Variants in ZNF845 observed in about 807,000 individuals in gnomAD.
ZNF845 encodes the protein zinc finger protein 845.
ZNF845 carries 59 observed loss-of-function variants against 76.1 expected under a neutral mutation model. That is an observed-to-expected ratio of 0.78 (90% confidence interval 0.63 to 0.96). The LOEUF is 0.96. Ranked by LOEUF, ZNF845 falls within the 40% of genes least tolerant of loss-of-function variation. The pLI, the probability that ZNF845 is intolerant of heterozygous loss-of-function variation, is 0.00. For synonymous variants in ZNF845, 361 were observed against 386.9 expected (o/e 0.93, Z 0.78); for missense variants, 1,045 against 1,172.8 (o/e 0.89, Z 1.59).
intron 2 of ZNF845, among the ~76,000 whole-genome samples, chr19:53,342,787 G>A (rs1038372423): frequency 7.2e-5 from 11 of 152,108 alleles, no homozygotes; most frequent in Non-Finnish European, 1.6e-4. Context: ...TCATCACTCT[G>A]CTATTAATCC....
chr19:53,341,848 C>T (rs979005835), intron 2 of ZNF845, among the ~76,000 whole-genome samples: 4 of 152,152 alleles, frequency 2.6e-5, no homozygotes, highest in African/African-American at 7.2e-5. Context: ...AGTTCATACA[C>T]AGACATGAAT....
Position 53,354,028 on chromosome 19 carries a change from C to A in ZNF845, c.*440C>A. ...ACAAATGTCATGATTGTGGCAAGGT[C>A]TTCAGTCTAGCTTCATCTTATGCAA... is the stretch of plus-strand genomic sequence containing the variant. On this transcript the variant is annotated 3_prime_UTR_variant, in exon 4 of 4. Coordinates refer to ENST00000458035, the MANE Select transcript of ZNF845 (RefSeq NM_138374.3). The A allele has an allele frequency of 2.1e-6, 1 of 473,236 alleles. No individual in the cohort carries two copies. Among genetic ancestry groups the A allele is most frequent in the Admixed American group, 3.0e-5 (1 of 32,932 alleles). The allele number at this position is 473,236 out of a possible 1,614,324, so 29.3% of individuals were successfully genotyped here. A position where few individuals can be genotyped will look rare whatever the true frequency, so the allele number is the denominator to read the frequency against.
At chr19:53,348,847 A>ATTTTTTTTTTTTT (rs565694028) in intron 3 of ZNF845, among the ~76,000 whole-genome samples, 1 of 96,600 alleles carries the variant, frequency 1.0e-5, no homozygotes, top group African/African-American at 4.3e-5. Flanking sequence ...TTGTTAGTCA[A>ATTTTTTTTTTTTT]TTTTTTTTTT....
At chr19:53,347,072 A>T (rs887311190) in intron 3 of ZNF845, among the ~76,000 whole-genome samples, 4 of 151,770 alleles carry the variant, frequency 2.6e-5, no homozygotes, top group African/African-American at 9.7e-5. Flanking sequence ...TAGTAGAGAC[A>T]GGGTTTCTCC....
In ZNF845 at chr19:53,352,089, T is replaced by C; in HGVS notation, c.1414T>C (p.Cys472Arg). The change falls in exon 4 of 4, where the codon TGT becomes CGT. Residue 472 changes from cysteine to arginine, a missense_variant. Cys to Arg is a radical substitution (Grantham distance 180). Transcript: ENST00000458035. ...TGEKPYKCND[C>R]GKTFSQTSSL... ...AGAGAAACCTTACAAGTGTAATGAT[T>C]GTGGCAAGACCTTCAGTCAGACATC... The C allele has an allele frequency of 6.2e-7, 1 of 1,613,952 alleles. No individual in the cohort carries two copies. Among genetic ancestry groups the C allele is most frequent in the Non-Finnish European group, 8.5e-7 (1 of 1,179,952 alleles).
chr19:53,353,764 T>A lies in ZNF845; in HGVS notation c.*176T>A. 1 of 1,521,364 alleles carries A rather than the reference T, an allele frequency of 6.6e-7. No individual in the cohort carries two copies. Among genetic ancestry groups the A allele is most frequent in the Non-Finnish European group, 8.8e-7 (1 of 1,138,274 alleles). 94.2% of individuals were successfully genotyped at this position (1,521,364 alleles called of 1,614,324 possible). On this transcript the variant is annotated 3_prime_UTR_variant, in exon 4 of 4. Transcript: ENST00000458035. ...CTGGAGAGAAACCTTACAAGTGTAC[T>A]GAGTGTGGCAAAGCCTTTAGTGGGC...
chr19:53,355,519 TC>T lies in ZNF845; in HGVS notation c.*1932del, dbSNP rs2085379702. 1 of 152,080 alleles carries T rather than the reference TC, an allele frequency of 6.6e-6. No individual in the cohort carries two copies. The highest frequency in any genetic ancestry group is 6.6e-5 in the Admixed American group (1 of 15,266). 9.4% of individuals were successfully genotyped at this position (152,080 alleles called of 1,614,324 possible). On this transcript the variant is annotated 3_prime_UTR_variant, in exon 4 of 4. Coordinates refer to ENST00000458035, the MANE Select transcript of ZNF845 (RefSeq NM_138374.3). ...AGAGAACTTGAAAGAATATGTTAGA[TC>T]GCCTAACCTCATTATCCGCCCACTT...
chr19:53,349,654 C>T (rs187789623), intron 3 of ZNF845, among the ~76,000 whole-genome samples: 2 of 152,118 alleles, frequency 1.3e-5, no homozygotes, highest in Admixed American at 6.5e-5. Context: ...TTATGGGTTA[C>T]GTTATTTTAC....
In ZNF845 at chr19:53,354,157, G is replaced by T; in HGVS notation, c.*569G>T. ...ATTAGACATCAGAGAATCCATACTG[G>T]ACAGAAATCTTACAAATGTCATCAG... On this transcript the variant is annotated 3_prime_UTR_variant, in exon 4 of 4. Coordinates refer to ENST00000458035, the MANE Select transcript of ZNF845 (RefSeq NM_138374.3). 1 of 700,778 alleles carries T rather than the reference G, an allele frequency of 1.4e-6. No homozygotes were observed. 43.4% of individuals were successfully genotyped at this position (700,778 alleles called of 1,614,324 possible).
chr19:53,334,141 G>A (rs565549613), intron 1 of ZNF845, among the ~76,000 whole-genome samples: 1 of 152,094 alleles, frequency 6.6e-6, no homozygotes, highest in African/African-American at 2.4e-5. Context: ...GTCTTAAGGC[G>A]CCGTCGCCCC....
intron 1 of ZNF845, among the ~76,000 whole-genome samples, chr19:53,340,533 C>T (rs779435601): frequency 6.6e-5 from 10 of 152,164 alleles, no homozygotes; most frequent in Non-Finnish European, 1.5e-4. Flanking sequence ...TTCCCCCATG[C>T]TCCTGCCCTT....
Position 53,353,929 on chromosome 19 carries a change from T to C in ZNF845, c.*341T>C. 1 of 837,752 alleles carries C rather than the reference T, an allele frequency of 1.2e-6. No homozygotes were observed. The highest frequency in any genetic ancestry group is 1.8e-6 in the Non-Finnish European group (1 of 560,042). 51.9% of individuals were successfully genotyped at this position (837,752 alleles called of 1,614,324 possible). A position where few individuals can be genotyped will look rare whatever the true frequency, so the allele number is the denominator to read the frequency against. ...ATAATGAGAGATTTTGAAAGTGTAA[T>C]AAATGTGGCAAATTTTTCAGACATT... On this transcript the variant is annotated 3_prime_UTR_variant, in exon 4 of 4. Transcript: ENST00000458035.
rs750629515 is a variant in ZNF845 at position 53,352,358 on chromosome 19, TG to T, written c.1686del (p.Gln563SerfsTer13). The T allele has an allele frequency of 1.9e-6, 3 of 1,613,626 alleles. No individual in the cohort carries two copies. Among genetic ancestry groups the T allele is most frequent in the South Asian group, 2.2e-5 (2 of 91,070 alleles). ...GTAATGAGTGTGGCAAAGCCTTTCG[TG>T]GGCAGTCAGCACTTATTTACCATCA... ...QCNECGKAFR[G>X]QSALIYHQAI... On this transcript the variant is annotated frameshift_variant, in exon 4 of 4. Coordinates refer to ENST00000458035, the MANE Select transcript of ZNF845 (RefSeq NM_138374.3). LOFTEE classifies it high-confidence loss of function.
intron 2 of ZNF845, among the ~76,000 whole-genome samples, chr19:53,344,431 A>G (rs1006517568): frequency 6.6e-6 from 1 of 151,990 alleles, no homozygotes; most frequent in Non-Finnish European, 1.5e-5. Context: ...CCAGCTCCTC[A>G]GGAGACTGAG....
rs773039369 is a variant in ZNF845, at chr19:53,356,572, T to A, written c.*2984T>A. 8 of 151,616 alleles carry A rather than the reference T, an allele frequency of 5.3e-5. No individual in the cohort carries two copies. The highest frequency in any genetic ancestry group is 1.0e-4 in the Non-Finnish European group (7 of 67,924). 9.4% of individuals were successfully genotyped at this position (151,616 alleles called of 1,614,324 possible). Reference sequence around the variant, plus strand: ...AATAAATGAGAGGCATAATTCCTCCTTTGAGAATAAAGGAAAAGATTTCCC... The same window carrying A: ...AATAAATGAGAGGCATAATTCCTCCATTGAGAATAAAGGAAAAGATTTCCC... On this transcript the variant is annotated 3_prime_UTR_variant, in exon 4 of 4. Transcript: ENST00000458035.
intron 1 of ZNF845, among the ~76,000 whole-genome samples, chr19:53,334,236 G>A (rs557782776): frequency 3.4e-3 from 520 of 152,268 alleles, no homozygotes; most frequent in Middle Eastern, 6.8e-3. Flanking sequence ...CGTTGGGGAG[G>A]TGCCCGGGGC....
At chr19:53,346,374 G>A in intron 3 of ZNF845, 1 of 281,632 alleles carries the variant, frequency 3.6e-6, no homozygotes, top group Non-Finnish European at 6.7e-6. Flanking sequence ...ACCGCAGCCG[G>A]CTTCGCTCTC....
At chr19:53,344,746 A>T (rs58634832) in intron 2 of ZNF845, among the ~76,000 whole-genome samples, 18,374 of 151,378 alleles carry the variant, frequency 0.12, 1,168 homozygotes, top group Middle Eastern at 0.21. Context: ...TTCTCCTTCC[A>T]CAGCCTCCCA....
chr19:53,351,965 T>C lies in ZNF845; in HGVS notation c.1290T>C (p.Arg430=), dbSNP rs1301861747. 6.2e-7 allele frequency: 1 copy of C among 1,613,900 alleles called. No homozygotes were observed. Among genetic ancestry groups the C allele is most frequent in the East Asian group, 2.2e-5 (1 of 44,830 alleles). Reference sequence around the variant, plus strand: ...AGATGTCATCCCTTGTATACCATCGTAGACTTCATACTGGAGAGAAACCTT... The same window carrying C: ...AGATGTCATCCCTTGTATACCATCGCAGACTTCATACTGGAGAGAAACCTT... ...FSQMSSLVYH[R]RLHTGEKPYK... is the part of the protein sequence containing the mutation. Residue 430 remains arginine (R), a synonymous_variant, in exon 4 of 4, where the codon CGT becomes CGC. Transcript: ENST00000458035.
Sources: gnomAD v4.1 joint callset for allele counts (sites outside exome capture counted in the v4.1 genomes callset) on GRCh38, gnomAD v4.1.1 for gene constraint, MANE v1.5 for transcripts, NCBI Gene and HGNC (gene_info 2026-07-23, HGNC 2026-07-21) for gene names.